ST6GALNAC5: variants seen among roughly 807,000 people sequenced by gnomAD.
ST6GALNAC5 encodes the protein alpha-N-acetylgalactosaminide alpha-2,6-sialyltransferase 5.
In ST6GALNAC5, 27 loss-of-function variants were observed where a neutral mutation model predicts 33.6. The observed-to-expected ratio is 0.80, with a 90% CI of 0.59 to 1.11. The LOEUF (loss-of-function observed/expected upper bound fraction) is 1.11. ST6GALNAC5 is among the 50% of genes least tolerant of loss of function. ST6GALNAC5 has a pLI of 0.00. For missense variants in ST6GALNAC5, 428 were observed against 454.0 expected (o/e 0.94, Z 0.52); for synonymous variants, 194 against 171.2 (o/e 1.13, Z -1.04).
intron 2 of ST6GALNAC5, chr1:76,871,169 C>T (rs1653493972): frequency 6.6e-6 from 1 of 152,086 alleles, no homozygotes; most frequent in Non-Finnish European, 1.5e-5. Flanking sequence ...GAATTTTTTT[C>T]CAATTATGAC....
At chr1:77,000,706 A>G (rs879020063) in intron 2 of ST6GALNAC5, among the ~76,000 whole-genome samples, 15 of 150,748 alleles carry the variant, frequency 1.0e-4, no homozygotes, top group African/African-American at 2.7e-4. Flanking sequence ...AGCTTTGTAC[A>G]TATGGCTAGC....
chr1:76,921,668 AT>A (rs1223896236), intron 2 of ST6GALNAC5, among the ~76,000 whole-genome samples: 1 of 152,218 alleles, frequency 6.6e-6, no homozygotes. Flanking sequence ...CATTAATGAA[AT>A]TGAATTTGCA....
Position 76,974,697 on chromosome 1 carries a change from G to A in ST6GALNAC5, c.262-69507G>A, listed in dbSNP as rs369694845. ...TTTCTGCATTTTCATACTGCTTGCA[G>A]TATGAAATATAAGATAACAGTCTTA... On this transcript the variant is annotated intron_variant, in intron 2 of 4. Coordinates refer to ENST00000477717, the MANE Select transcript of ST6GALNAC5 (RefSeq NM_030965.3). 2.0e-3 allele frequency among the ~76,000 whole-genome samples: 22 copies of A among 11,056 alleles called. No homozygotes were observed. The East Asian group carries it at 0.046, about 23-fold the overall frequency. 7.3% of individuals were successfully genotyped at this position (11,056 alleles called of 152,430 possible). A position where few individuals can be genotyped will look rare whatever the true frequency, so the allele number is the denominator to read the frequency against.
intron 2 of ST6GALNAC5, among the ~76,000 whole-genome samples, chr1:77,025,249 A>T (rs1294704626): frequency 6.6e-6 from 1 of 152,238 alleles, no homozygotes; most frequent in South Asian, 2.1e-4. Context: ...TTAAAAATGG[A>T]TCATGGAGCC....
intron 2 of ST6GALNAC5, among the ~76,000 whole-genome samples, chr1:76,958,404 T>C (rs1648091192): frequency 6.6e-6 from 1 of 152,226 alleles, no homozygotes; most frequent in African/African-American, 2.4e-5. Flanking sequence ...TTTCACCTGC[T>C]GAAATGTTTT....
intron 2 of ST6GALNAC5, among the ~76,000 whole-genome samples, chr1:76,893,687 G>A (rs1319372758): frequency 6.6e-6 from 1 of 152,070 alleles, no homozygotes; most frequent in African/African-American, 2.4e-5. Flanking sequence ...TTGAGACAGA[G>A]GCTCACTCCG....
At chr1:76,955,609 A>G (rs1018142288) in intron 2 of ST6GALNAC5, among the ~76,000 whole-genome samples, 1 of 152,176 alleles carries the variant, frequency 6.6e-6, no homozygotes, top group African/African-American at 2.4e-5. Context: ...ACTTCCAACT[A>G]CTGGCACACA....
intron 2 of ST6GALNAC5, among the ~76,000 whole-genome samples, chr1:77,006,972 C>T (rs961251429): frequency 4.6e-5 from 7 of 152,146 alleles, no homozygotes; most frequent in African/African-American, 1.4e-4. Context: ...TAAGCTAACC[C>T]CAGCTTGCTC....
At chr1:76,869,288 C>T (rs1391749775) in intron 2 of ST6GALNAC5, among the ~76,000 whole-genome samples, 1 of 152,198 alleles carries the variant, frequency 6.6e-6, no homozygotes, top group Admixed American at 6.5e-5. Flanking sequence ...TTGAGGGACA[C>T]ACTCAGCTTC....
intron 2 of ST6GALNAC5, among the ~76,000 whole-genome samples, chr1:76,962,140 C>G: frequency 6.6e-6 from 1 of 152,042 alleles, no homozygotes; most frequent in East Asian, 1.9e-4. Flanking sequence ...GATGCTGATA[C>G]AACTGAATAT....
chr1:77,015,812 C>T (rs1354275034), intron 2 of ST6GALNAC5, among the ~76,000 whole-genome samples: 3 of 151,956 alleles, frequency 2.0e-5, no homozygotes, highest in Non-Finnish European at 4.4e-5. Flanking sequence ...TACAAAGCCC[C>T]AGAGGCAAGA....
chr1:76,933,182 A>T (rs1647162116), intron 2 of ST6GALNAC5, among the ~76,000 whole-genome samples: 1 of 152,060 alleles, frequency 6.6e-6, no homozygotes, highest in African/African-American at 2.4e-5. Context: ...GTCTATAAAA[A>T]AGGCATCTTC....
chr1:76,969,873 G>A (rs1189536517), intron 2 of ST6GALNAC5, among the ~76,000 whole-genome samples: 2 of 152,178 alleles, frequency 1.3e-5, no homozygotes, highest in Non-Finnish European at 2.9e-5. Context: ...AATATTTGCT[G>A]TTCTGCAGCC....
chr1:76,913,753 A>C (rs1356737749), intron 2 of ST6GALNAC5, among the ~76,000 whole-genome samples: 1 of 152,080 alleles, frequency 6.6e-6, no homozygotes, highest in East Asian at 1.9e-4. Flanking sequence ...ATGGGCAAAA[A>C]CTGGAAGCAT....
intron 2 of ST6GALNAC5, among the ~76,000 whole-genome samples, chr1:76,896,272 G>C (rs1654133710): frequency 6.6e-6 from 1 of 152,158 alleles, no homozygotes; most frequent in Admixed American, 6.5e-5. Flanking sequence ...TTAGTTATCT[G>C]ACATGGGGAA....
chr1:76,929,850 C>A (rs1647122295), intron 2 of ST6GALNAC5, among the ~76,000 whole-genome samples: 1 of 151,962 alleles, frequency 6.6e-6, no homozygotes, highest in South Asian at 2.1e-4. Flanking sequence ...GGGGCTCATG[C>A]CTGTAATCCC....
chr1:77,015,477 G>A (rs921018501), intron 2 of ST6GALNAC5, among the ~76,000 whole-genome samples: 10 of 152,114 alleles, frequency 6.6e-5, no homozygotes, highest in Non-Finnish European at 1.2e-4. Flanking sequence ...CTGTAGCTCA[G>A]TCCTCACAGG....
rs185213643 is a variant in ST6GALNAC5 at position 76,953,578 on chromosome 1, A to C, written c.261+84836A>C. On this transcript the variant is annotated intron_variant, in intron 2 of 4. Transcript: ENST00000477717. Reference sequence around the variant, plus strand: ...TCTTTATATATTCGAGATGTAAGAAATTTGTCAGATATATGGTTTGCAAGC... The same window carrying C: ...TCTTTATATATTCGAGATGTAAGAACTTTGTCAGATATATGGTTTGCAAGC... 2.4e-3 allele frequency among the ~76,000 whole-genome samples: 368 copies of C among 152,178 alleles called. 3 individuals are homozygous for C. The highest frequency in any genetic ancestry group is 8.3e-3 in the African/African-American group (346 of 41,530).
chr1:76,913,439 G>T (rs1172369948), intron 2 of ST6GALNAC5, among the ~76,000 whole-genome samples: 3 of 151,926 alleles, frequency 2.0e-5, no homozygotes, highest in Non-Finnish European at 4.4e-5. Context: ...GGCGTTCTCT[G>T]TATTTCCTGA....
Sources: allele counts gnomAD v4.1 joint callset (sites outside exome capture counted in the v4.1 genomes callset), GRCh38; gene constraint gnomAD v4.1.1; transcripts MANE v1.5; gene names NCBI Gene and HGNC (gene_info 2026-07-23, HGNC 2026-07-21).